Variants in CREBBP observed in about 807,000 individuals in gnomAD.
The protein encoded by CREBBP is CREB-binding protein.
Under a neutral mutation model 265.0 loss-of-function variants are expected in CREBBP, and 19 were observed. The ratio of observed to expected loss-of-function variants is 0.07; its 90% CI spans 0.05 to 0.11. The LOEUF (loss-of-function observed/expected upper bound fraction) is 0.11, where lower values mean the gene tolerates loss of function less well. CREBBP is among the 10% of genes least tolerant of loss of function. CREBBP has a pLI of 1.00. For missense variants in CREBBP, 2,525 were observed against 3,219.0 expected, an observed-to-expected ratio of 0.78 and a Z score of 5.22; for synonymous variants, 1,457 against 1,223.7, an observed-to-expected ratio of 1.19 and a Z score of -3.98.
intron 2 of CREBBP, among the ~76,000 whole-genome samples, chr16:3,839,294 C>T (rs1233405247): frequency 4.6e-5 from 7 of 152,230 alleles, no homozygotes; most frequent in Admixed American, 3.3e-4. Context: ...GCCGCTATTA[C>T]TACTGCTGCT....
Position 3,726,239 on chromosome 16 carries a change from C to CCG in CREBBP, c.*1478_*1479insCG, listed in dbSNP as rs1555470188. On this transcript the variant is annotated 3_prime_UTR_variant, in exon 31 of 31. Transcript: ENST00000262367. ...TGCCTCAGATTCTGGGAGTCGTGTA[C>CCG]GGGGGGGGGGAGCCGCCTGAACACG... 1 of 151,444 alleles carries CCG rather than the reference C, an allele frequency of 6.6e-6. No individual in the cohort carries two copies. The highest frequency in any genetic ancestry group is 3.4e-5 in the African/African-American group (1 of 29,728). 9.4% of individuals were successfully genotyped at this position (151,444 alleles called of 1,614,324 possible).
intron 2 of CREBBP, among the ~76,000 whole-genome samples, chr16:3,843,613 G>C (rs983699892): frequency 6.6e-6 from 1 of 151,654 alleles, no homozygotes; most frequent in Non-Finnish European, 1.5e-5. Flanking sequence ...TAAAGATAGG[G>C]TCTCCCTATG....
At chr16:3,785,308 C>T (rs1033625317) in intron 5 of CREBBP, among the ~76,000 whole-genome samples, 5 of 152,360 alleles carry the variant, frequency 3.3e-5, no homozygotes, top group Middle Eastern at 3.4e-3. Flanking sequence ...CACTCACTCA[C>T]GTGACAGACT....
Position 3,849,446 on chromosome 16 carries a change from T to TGTGTG in CREBBP, c.798+846_798+850dup, listed in dbSNP as rs1567360639. On this transcript the variant is annotated intron_variant, in intron 2 of 30. Transcript: ENST00000262367. ...GTGTGTGTGTGTGTGTGTGTGTGTG[T>TGTGTG]GTGTGTGTGTGTGTGTGTGTGTGTG... Among the ~76,000 whole-genome samples, 155 of 33,680 alleles carry TGTGTG rather than the reference T, an allele frequency of 4.6e-3. 9 individuals carry two copies. Among genetic ancestry groups the TGTGTG allele is most frequent in the East Asian group, 0.015 (8 of 526 alleles). The allele number at this position is 33,680 out of a possible 152,430, so 22.1% of individuals were successfully genotyped here. A position where few individuals can be genotyped will look rare whatever the true frequency, so the allele number is the denominator to read the frequency against.
At chr16:3,836,125 C>G (rs1171227485) in intron 2 of CREBBP, among the ~76,000 whole-genome samples, 1 of 151,916 alleles carries the variant, frequency 6.6e-6, no homozygotes, top group Non-Finnish European at 1.5e-5. Context: ...TGAGAACAGG[C>G]AAAGCAATTC....
At chr16:3,797,362 A>C (rs1596956958) in intron 3 of CREBBP, among the ~76,000 whole-genome samples, 1 of 152,348 alleles carries the variant, frequency 6.6e-6, no homozygotes, top group Admixed American at 6.5e-5. Flanking sequence ...ACATAGGTGT[A>C]TATCAAATTA....
At chr16:3,807,567 G>A (rs980513021) in intron 3 of CREBBP, among the ~76,000 whole-genome samples, 12 of 152,122 alleles carry the variant, frequency 7.9e-5, no homozygotes, top group South Asian at 2.1e-4. Context: ...GTGTAAGCAC[G>A]GGCTGGTGAA....
In CREBBP at chr16:3,728,949, G is replaced by C; in HGVS notation, c.6098C>G (p.Pro2033Arg). 1 of 1,599,766 alleles carries C rather than the reference G, an allele frequency of 6.3e-7. No homozygotes were observed. Among genetic ancestry groups the C allele is most frequent in the Non-Finnish European group, 8.5e-7 (1 of 1,177,758 alleles). Residue 2033 changes from proline (P) to arginine (R), a missense_variant, in exon 31 of 31, where the codon CCA becomes CGA. Pro to Arg is a moderately radical substitution (Grantham distance 103). Around this residue, in one of 19 missense-constraint regions of CREBBP, gnomAD observed 275 missense variants for 276.5 expected, o/e 0.99. Coordinates refer to ENST00000262367, the MANE Select transcript of CREBBP (RefSeq NM_004380.3). This position sits in a 1 kb window ranked among gnomAD's most constrained non-coding sequence, Gnocchi z 8.7. ...GGATATCACAGGCCTGGGCAAGCCT[G>C]GCATGGGCTGCTGCTGGGGAAGGGG... is the stretch of plus-strand genomic sequence containing the variant. ...QAPLPQQQPMPGLPRPVISMQ... is the reference protein window; with the variant it reads ...QAPLPQQQPMRGLPRPVISMQ...
rs1450303039 is a variant in CREBBP, at chr16:3,731,902, C to T, written c.4764G>A (p.Lys1588=). 1.2e-6 allele frequency: 2 copies of T among 1,614,250 alleles called. No individual in the cohort carries two copies. Among genetic ancestry groups the T allele is most frequent in the Middle Eastern group, 1.6e-4 (1 of 6,062 alleles). ...SQGDSKNAKK[K]NNKKTNKNKS... is the part of the protein sequence containing the mutation. ...TGTTCTTGTTGGTTTTCTTGTTGTTCTTCTTCTTGGCATTCTTGCTGTCGC... is the reference window on the plus strand; with the variant it reads ...TGTTCTTGTTGGTTTTCTTGTTGTTTTTCTTCTTGGCATTCTTGCTGTCGC... Residue 1588 remains lysine (K), a synonymous_variant, in exon 29 of 31, where the codon AAG becomes AAA. Transcript: ENST00000262367. This position sits in a 1 kb window ranked among gnomAD's most constrained non-coding sequence, Gnocchi z 7.7.
At chr16:3,872,056 A>AATGTCACACGGGATAAT (rs1181778321) in intron 1 of CREBBP, among the ~76,000 whole-genome samples, 1 of 152,216 alleles carries the variant, frequency 6.6e-6, no homozygotes, top group East Asian at 1.9e-4. Flanking sequence ...CACCGGGGAA[A>AATGTCACACGGGATAAT]ATGTCACACG....
At chr16:3,791,611 C>A (rs1315382403) in intron 5 of CREBBP, among the ~76,000 whole-genome samples, 2 of 152,232 alleles carry the variant, frequency 1.3e-5, no homozygotes, top group Admixed American at 6.5e-5. Flanking sequence ...TAAGACGTCA[C>A]TGCCATTATA....
chr16:3,828,217 C>T (rs62039073), intron 2 of CREBBP, among the ~76,000 whole-genome samples: 21 of 152,130 alleles, frequency 1.4e-4, no homozygotes, highest in African/African-American at 3.6e-4. Context: ...CTCAGCCTCC[C>T]GAGTAGCTGA....
chr16:3,788,472 C>T (rs2053436584), intron 5 of CREBBP, among the ~76,000 whole-genome samples: 1 of 152,170 alleles, frequency 6.6e-6, no homozygotes, highest in Admixed American at 6.5e-5. Context: ...AACCTGCTCA[C>T]GGGTCCCAAA....
At chr16:3,734,355 G>A (rs3789027) in intron 28 of CREBBP, among the ~76,000 whole-genome samples, 17,356 of 152,130 alleles carry the variant, frequency 0.11, 2,713 homozygotes, top group African/African-American at 0.34. Flanking sequence ...GGGACAGCAG[G>A]TCTACATGCC....
chr16:3,777,532 CA>C, intron 11 of CREBBP, 80 bp downstream of exon 11: 1 of 1,410,078 alleles, frequency 7.1e-7, no homozygotes, highest in Non-Finnish European at 1.0e-6. Flanking sequence ...AAGAAATATA[CA>C]GGGGGAGAGG....
chr16:3,811,815 G>T (rs1043547929), intron 2 of CREBBP, among the ~76,000 whole-genome samples: 39 of 151,978 alleles, frequency 2.6e-4, no homozygotes, highest in Admixed American at 6.6e-5. Flanking sequence ...TCCTAATAAC[G>T]TTTTCTTTTC....
intron 3 of CREBBP, among the ~76,000 whole-genome samples, chr16:3,803,601 G>C (rs1221344108): frequency 2.0e-5 from 3 of 152,100 alleles, no homozygotes; most frequent in African/African-American, 7.2e-5. Context: ...ATTTAAAGTA[G>C]AAAGCAAATG....
chr16:3,771,477 G>A (rs918283664), intron 13 of CREBBP, among the ~76,000 whole-genome samples: 1 of 152,044 alleles, frequency 6.6e-6, no homozygotes, highest in African/African-American at 2.4e-5. Flanking sequence ...AACTACACAC[G>A]TTTCTTATAG....
In CREBBP at chr16:3,744,185, C is replaced by G. The variant is rs76167296; in HGVS notation, c.3982+709G>C. ...GCTGCAGTAACATGTCCAGCCAAGT[C>G]CACATGCAGGCCAGGCTCCTACCGC... On this transcript the variant is annotated intron_variant, in intron 23 of 30. Coordinates refer to ENST00000262367, the MANE Select transcript of CREBBP (RefSeq NM_004380.3). Among the ~76,000 whole-genome samples the G allele has an allele frequency of 3.0e-3, 458 of 152,332 alleles. 4 individuals are homozygous for G. The highest frequency in any genetic ancestry group is 0.011 in the African/African-American group (441 of 41,572).
Sources: allele counts gnomAD v4.1 joint callset (sites outside exome capture counted in the v4.1 genomes callset), GRCh38; gene constraint gnomAD v4.1.1; regional missense constraint gnomAD v4.1.1; non-coding constraint Gnocchi (gnomAD v3.1); transcripts MANE v1.5; gene names NCBI Gene and HGNC (gene_info 2026-07-23, HGNC 2026-07-21).